HS3ST4: variants seen among roughly 807,000 people sequenced by gnomAD.
HS3ST4 encodes the protein heparan sulfate glucosamine 3-O-sulfotransferase 4.
HS3ST4 carries 17 observed loss-of-function variants against 29.2 expected under a neutral mutation model. The ratio of observed to expected loss-of-function variants is 0.58; its 90% CI spans 0.40 to 0.87. The LOEUF is 0.87. HS3ST4 is among the 40% of genes least tolerant of loss of function. The probability of loss-of-function intolerance (pLI) is 0.00; values close to 1 mark genes in which losing one functional copy is unlikely to be tolerated. For synonymous variants in HS3ST4, 314 were observed against 285.7 expected, an observed-to-expected ratio of 1.10 and a Z score of -1.00; for missense variants, 627 against 634.5, an observed-to-expected ratio of 0.99 and a Z score of 0.13.
At chr16:25,748,994 T>C (rs900205541) in intron 1 of HS3ST4, among the ~76,000 whole-genome samples, 2 of 152,186 alleles carry the variant, frequency 1.3e-5, no homozygotes, top group Non-Finnish European at 2.9e-5. Context: ...GGACAAACCA[T>C]TCCAGAGTTC....
chr16:25,717,401 G>A (rs1317807363), intron 1 of HS3ST4, among the ~76,000 whole-genome samples: 1 of 152,026 alleles, frequency 6.6e-6, no homozygotes, highest in African/African-American at 2.4e-5. Context: ...AATAAAGGCT[G>A]CAATTTGAGC....
intron 1 of HS3ST4, among the ~76,000 whole-genome samples, chr16:26,032,071 G>C (rs944181943): frequency 1.6e-4 from 25 of 152,262 alleles, no homozygotes; most frequent in African/African-American, 5.5e-4. Flanking sequence ...TGCCATCTCA[G>C]TGGCATCACT....
At chr16:26,004,041 T>C (rs1969235002) in intron 1 of HS3ST4, among the ~76,000 whole-genome samples, 1 of 152,312 alleles carries the variant, frequency 6.6e-6, no homozygotes, top group Non-Finnish European at 1.5e-5. Context: ...TTCTGTTTGT[T>C]CATGTGTATT....
At chr16:25,900,081 CAG>C (rs1371901450) in intron 1 of HS3ST4, among the ~76,000 whole-genome samples, 1 of 152,226 alleles carries the variant, frequency 6.6e-6, no homozygotes. Context: ...ACATTCTTAA[CAG>C]ATAGTTTAAC....
At chr16:26,101,552 A>C (rs1364034318) in intron 1 of HS3ST4, among the ~76,000 whole-genome samples, 1 of 152,252 alleles carries the variant, frequency 6.6e-6, no homozygotes, top group Non-Finnish European at 1.5e-5. Context: ...CAAATGGGTG[A>C]AAAGAAACAT....
At chr16:26,107,197 G>A (rs1341807772) in intron 1 of HS3ST4, among the ~76,000 whole-genome samples, 1 of 151,864 alleles carries the variant, frequency 6.6e-6, no homozygotes, top group Non-Finnish European at 1.5e-5. Context: ...GGTGCCATAC[G>A]TATATATGGA....
intron 1 of HS3ST4, among the ~76,000 whole-genome samples, chr16:25,935,913 C>T (rs12598410): frequency 0.55 from 82,676 of 151,698 alleles, 23,230 homozygotes; most frequent in African/African-American, 0.61. Context: ...AGATACTAGA[C>T]TTTTTTTTAA....
At chr16:26,115,264 TATAC>T (rs745798894) in intron 1 of HS3ST4, among the ~76,000 whole-genome samples, 2 of 136,504 alleles carry the variant, frequency 1.5e-5, no homozygotes, top group African/African-American at 2.5e-5. Context: ...TATACATATA[TATAC>T]ACACACACAC....
intron 1 of HS3ST4, among the ~76,000 whole-genome samples, chr16:26,076,664 C>T (rs1053170433): frequency 1.3e-5 from 2 of 152,230 alleles, no homozygotes; most frequent in Middle Eastern, 3.4e-3. Flanking sequence ...GAAAATCCTG[C>T]CATGAGGATT....
intron 1 of HS3ST4, among the ~76,000 whole-genome samples, chr16:25,895,845 A>G: frequency 6.6e-6 from 1 of 152,272 alleles, no homozygotes; most frequent in East Asian, 1.9e-4. Context: ...CCAAAGCCTC[A>G]TCTTCTGACA....
chr16:26,113,472 G>C (rs987517718), intron 1 of HS3ST4, among the ~76,000 whole-genome samples: 1 of 108,330 alleles, frequency 9.2e-6, no homozygotes, highest in Non-Finnish European at 2.0e-5. Context: ...AATATATGAT[G>C]TGTGTGTGTG....
chr16:25,894,846 C>G (rs1596605799), intron 1 of HS3ST4, among the ~76,000 whole-genome samples: 1 of 152,126 alleles, frequency 6.6e-6, no homozygotes, highest in South Asian at 2.1e-4. Context: ...TAGGAAAATT[C>G]CTTCTCATAT....
At chr16:26,013,080 T>G (rs1969326149) in intron 1 of HS3ST4, among the ~76,000 whole-genome samples, 2 of 152,196 alleles carry the variant, frequency 1.3e-5, no homozygotes, top group South Asian at 4.1e-4. Flanking sequence ...AGAGAATCGC[T>G]TGAACTCAAG....
rs767372371 is a variant in HS3ST4 at position 26,135,840 on chromosome 16, C to T, written c.963C>T (p.Leu321=). 9.3e-6 allele frequency: 15 copies of T among 1,613,890 alleles called. No individual in the cohort carries two copies. The highest frequency in any genetic ancestry group is 1.6e-4 in the Middle Eastern group (1 of 6,084). ...FEVLAFKNRT[L]GLIDASWSAI... ...TGCTGGCCTTCAAAAACCGGACCCT[C>T]GGGCTGATCGATGCTTCCTGGAGTG... The change falls in exon 2 of 2, where the codon CTC becomes CTT. Residue 321 remains leucine (L), a synonymous_variant. Coordinates refer to ENST00000331351, the MANE Select transcript of HS3ST4 (RefSeq NM_006040.3).
intron 1 of HS3ST4, among the ~76,000 whole-genome samples, chr16:25,737,121 A>G (rs1304879221): frequency 6.6e-6 from 1 of 152,192 alleles, no homozygotes. Context: ...GATTGGATAA[A>G]GAAAATGCGG....
At chr16:26,019,194 A>G (rs116155781) in intron 1 of HS3ST4, among the ~76,000 whole-genome samples, 110 of 152,162 alleles carry the variant, frequency 7.2e-4, no homozygotes, top group African/African-American at 2.6e-3. Context: ...AAACAGTGAT[A>G]TGAATGTCCA....
At chr16:25,705,525 C>T (rs1279777335) in intron 1 of HS3ST4, among the ~76,000 whole-genome samples, 2 of 151,992 alleles carry the variant, frequency 1.3e-5, no homozygotes, top group African/African-American at 2.4e-5. Context: ...ATTAGCTAGG[C>T]GTGGTGGCAC....
At chr16:25,975,616 T>C (rs1047377903) in intron 1 of HS3ST4, among the ~76,000 whole-genome samples, 1 of 152,156 alleles carries the variant, frequency 6.6e-6, no homozygotes, top group South Asian at 2.1e-4. Context: ...ATAACCTCAC[T>C]GGTCTGAGCC....
At chr16:25,986,760 C>A (rs1237781570) in intron 1 of HS3ST4, among the ~76,000 whole-genome samples, 2 of 152,144 alleles carry the variant, frequency 1.3e-5, no homozygotes, top group Non-Finnish European at 2.9e-5. Context: ...TCAAACAGAC[C>A]AAGATTCTCA....
Sources: gnomAD v4.1 joint callset for allele counts (sites outside exome capture counted in the v4.1 genomes callset) on GRCh38, gnomAD v4.1.1 for gene constraint, MANE v1.5 for transcripts, NCBI Gene and HGNC (gene_info 2026-07-23, HGNC 2026-07-21) for gene names.